Variants in SOX30 observed in about 807,000 individuals in gnomAD.
SOX30 encodes the protein transcription factor SOX-30.
SOX30 carries 17 observed loss-of-function variants against 58.6 expected under a neutral mutation model. The observed-to-expected ratio is 0.29, with a 90% CI of 0.20 to 0.44. SOX30 has a LOEUF of 0.44. SOX30 is among the 20% of genes least tolerant of loss of function. The pLI, the probability that SOX30 is intolerant of heterozygous loss-of-function variation, is 1.00. For missense variants in SOX30, 951 were observed against 965.8 expected (o/e 0.98, Z 0.20); for synonymous variants, 421 against 400.2 (o/e 1.05, Z -0.62).
chr5:157,646,448 C>T (rs980535238), intron 3 of SOX30, among the ~76,000 whole-genome samples, 189 bp downstream of exon 3: 2 of 152,176 alleles, frequency 1.3e-5, no homozygotes, highest in African/African-American at 4.8e-5. Flanking sequence ...GCTACTCTGG[C>T]AAACCAAGTG....
intron 2 of SOX30, among the ~76,000 whole-genome samples, chr5:157,664,337 ATGG>A (rs1349761790): frequency 6.6e-6 from 1 of 152,242 alleles, no homozygotes; most frequent in Non-Finnish European, 1.5e-5. Context: ...AAAACTAGAA[ATGG>A]GGAAAGGATT....
chr5:157,632,682 T>C (rs563588894), intron 4 of SOX30, among the ~76,000 whole-genome samples: 1 of 152,320 alleles, frequency 6.6e-6, no homozygotes, highest in African/African-American at 2.4e-5. Context: ...GTGAAACACC[T>C]TGGGAATTTT....
At position 157,626,354 on chromosome 5, in the gene SOX30, G is replaced by T; in HGVS notation, c.2248C>A (p.Leu750Ile). ...DSDEEEEEKVLRDL is the reference protein window; with the variant it reads ...DSDEEEEEKVIRDL ...TTGTTTTAAAATTATAAATCCCTGAGCACTTTTTCTTCTTCCTCCTCATCA... is the reference window on the plus strand; with the variant it reads ...TTGTTTTAAAATTATAAATCCCTGATCACTTTTTCTTCTTCCTCCTCATCA... Residue 750 changes from leucine (L) to isoleucine (I), a missense_variant, in exon 5 of 5, where the codon CTC becomes ATC. This residue lies in a region of SOX30 where 381 missense variants were observed against 390.0 expected (regional missense o/e 0.98). Coordinates refer to ENST00000265007, the MANE Select transcript of SOX30 (RefSeq NM_178424.2). The T allele has an allele frequency of 6.2e-7, 1 of 1,604,748 alleles. No homozygotes were observed. Among genetic ancestry groups the T allele is most frequent in the Non-Finnish European group, 8.5e-7 (1 of 1,175,914 alleles).
chr5:157,667,720 CAG>C, intron 2 of SOX30: 1 of 1,503,094 alleles, frequency 6.7e-7, no homozygotes. Context: ...GCCTGGGCGA[CAG>C]AGCGAGACTC....
At chr5:157,660,940 T>C (rs1312840696) in intron 2 of SOX30, among the ~76,000 whole-genome samples, 1 of 152,234 alleles carries the variant, frequency 6.6e-6, no homozygotes, top group Non-Finnish European at 1.5e-5. Context: ...TTTGCAAACA[T>C]GGGACATATC....
intron 4 of SOX30, among the ~76,000 whole-genome samples, chr5:157,634,166 A>G (rs1021057152): frequency 1.3e-5 from 2 of 152,206 alleles, no homozygotes; most frequent in African/African-American, 4.8e-5. Flanking sequence ...AGCCTACTTG[A>G]TTTTTACTCT....
chr5:157,636,707 T>C (rs923839640), intron 4 of SOX30, among the ~76,000 whole-genome samples: 8 of 152,198 alleles, frequency 5.3e-5, no homozygotes, highest in African/African-American at 1.9e-4. Context: ...TATTGAGGTG[T>C]AGGTATACCC....
At chr5:157,630,930 TTATA>T (rs1207207784) in intron 4 of SOX30, among the ~76,000 whole-genome samples, 4 of 111,952 alleles carry the variant, frequency 3.6e-5, no homozygotes, top group Non-Finnish European at 7.3e-5. Flanking sequence ...ATATTATATA[TTATA>T]TATATATACT....
upstream of SOX30, among the ~76,000 whole-genome samples, chr5:157,656,474 T>C (rs1759474308): frequency 6.6e-6 from 1 of 152,322 alleles, no homozygotes; most frequent in East Asian, 1.9e-4. Context: ...TATTAGAGTC[T>C]AGATAAGGCC....
chr5:157,640,185 C>T (rs1759029212), intron 3 of SOX30, among the ~76,000 whole-genome samples: 1 of 152,122 alleles, frequency 6.6e-6, no homozygotes, highest in Non-Finnish European at 1.5e-5. Flanking sequence ...GCATGTCTGC[C>T]ACCCCAACCA....
chr5:157,650,244 T>C (rs1759296413), intron 1 of SOX30, among the ~76,000 whole-genome samples: 1 of 151,994 alleles, frequency 6.6e-6, no homozygotes, highest in South Asian at 2.1e-4. Context: ...TTCTTTCCTT[T>C]AGAAAACAAA....
At chr5:157,632,959 T>G (rs895665242) in intron 4 of SOX30, among the ~76,000 whole-genome samples, 4 of 151,552 alleles carry the variant, frequency 2.6e-5, no homozygotes, top group African/African-American at 9.7e-5. Context: ...CATGGTAGCA[T>G]GTACCTGTAA....
chr5:157,633,620 A>G (rs1396862242), intron 4 of SOX30, among the ~76,000 whole-genome samples: 1 of 152,220 alleles, frequency 6.6e-6, no homozygotes, highest in Non-Finnish European at 1.5e-5. Flanking sequence ...GATATGCATT[A>G]TTATGGAAGA....
chr5:157,652,368 T>G lies in SOX30; in HGVS notation c.-290A>C, dbSNP rs529089475. The G allele has an allele frequency of 1.1e-4, 126 of 1,151,032 alleles. 1 individual carries two copies. In the African/African-American group the frequency reaches 1.8e-3, roughly 16 times the overall value. 71.3% of individuals were successfully genotyped at this position (1,151,032 alleles called of 1,614,324 possible). On this transcript the variant is annotated 5_prime_UTR_variant, in exon 1 of 5. Coordinates refer to ENST00000265007, the MANE Select transcript of SOX30 (RefSeq NM_178424.2). ...CCGCACTTGTTGCACATTTTCGTTC[T>G]GACTCTCTTGTGGAGTTCTCTTACA...
At chr5:157,636,920 G>A (rs1758941746) in intron 4 of SOX30, among the ~76,000 whole-genome samples, 1 of 152,040 alleles carries the variant, frequency 6.6e-6, no homozygotes, top group African/African-American at 2.4e-5. Flanking sequence ...CTGAGGTCGG[G>A]AGTTCAAGAC....
intron 2 of SOX30, among the ~76,000 whole-genome samples, chr5:157,664,701 A>G (rs1342070950): frequency 6.6e-6 from 1 of 152,250 alleles, no homozygotes; most frequent in Non-Finnish European, 1.5e-5. Context: ...CAATCTACCC[A>G]TCTGACAAAG....
chr5:157,667,985 G>A, intron 1 of SOX30: 1 of 964,186 alleles, frequency 1.0e-6, no homozygotes, highest in Non-Finnish European at 1.5e-6. Flanking sequence ...AGAAAACCAA[G>A]GCACAGAGAG....
At chr5:157,631,034 CAA>C (rs1303987348) in intron 4 of SOX30, among the ~76,000 whole-genome samples, 59 of 84,726 alleles carry the variant, frequency 7.0e-4, no homozygotes, top group African/African-American at 2.6e-3. Flanking sequence ...TATATATATA[CAA>C]TATATATATT....
chr5:157,650,823 G>T (rs532665057), intron 1 of SOX30, among the ~76,000 whole-genome samples: 3 of 152,132 alleles, frequency 2.0e-5, no homozygotes, highest in Non-Finnish European at 4.4e-5. Context: ...TGAGGGCTAT[G>T]CGCTGTCTAG....
Sources: allele counts gnomAD v4.1 joint callset (sites outside exome capture counted in the v4.1 genomes callset), GRCh38; gene constraint gnomAD v4.1.1; regional missense constraint gnomAD v4.1.1; transcripts MANE v1.5; gene names NCBI Gene and HGNC (gene_info 2026-07-23, HGNC 2026-07-21).